RIN2: variants seen among roughly 807,000 people sequenced by gnomAD.
RIN2 encodes the protein Ras and Rab interactor 2, also known as RAB5 interacting protein 2.
A neutral mutation model predicts 78.0 loss-of-function variants in RIN2; 36 were observed. That is an observed-to-expected ratio of 0.46 (90% CI 0.35 to 0.61). The LOEUF is 0.61. Ranked by LOEUF, RIN2 falls within the 20% of genes least tolerant of loss-of-function variation. The probability of loss-of-function intolerance (pLI) is 0.00; values close to 1 mark genes in which losing one functional copy is unlikely to be tolerated. For synonymous variants in RIN2, 466 were observed against 466.8 expected (o/e 1.00, Z 0.02); for missense variants, 1,087 against 1,159.7 (o/e 0.94, Z 0.91).
intron 1 of RIN2, among the ~76,000 whole-genome samples, chr20:19,788,435 A>AAAAAAAAAAAAAAAAAAAAAC (rs2034763650): frequency 7.3e-6 from 1 of 137,808 alleles, no homozygotes; most frequent in Non-Finnish European, 1.5e-5. Context: ...TCTCTGCCAA[A>AAAAAAAAAAAAAAAAAAAAAC]AAAAAAAAAA....
chr20:19,918,353 T>TTGTGTG lies in RIN2; in HGVS notation c.58-16710_58-16705dup, dbSNP rs3059683. 1.4e-3 allele frequency among the ~76,000 whole-genome samples: 205 copies of TTGTGTG among 147,222 alleles called. 2 individuals are homozygous for TTGTGTG. The highest frequency in any genetic ancestry group is 0.01 in the Middle Eastern group (3 of 292). Reference sequence around the variant, plus strand: ...AAAACGTGACTCTCATACAAATACATTGTGTGTGTGTGTGTGTGTGTGTGT... The same window carrying TTGTGTG: ...AAAACGTGACTCTCATACAAATACATTGTGTGTGTGTGTGTGTGTGTGTGTGTGTGT... On this transcript the variant is annotated intron_variant, in intron 3 of 12. Coordinates refer to ENST00000255006, the MANE Select transcript of RIN2 (RefSeq NM_018993.4).
At chr20:19,830,750 C>G (rs1167095214) in intron 2 of RIN2, among the ~76,000 whole-genome samples, 1 of 152,202 alleles carries the variant, frequency 6.6e-6, no homozygotes, top group Admixed American at 6.5e-5. Context: ...GGAGTGCTGA[C>G]CATGGGGAGT....
chr20:19,886,500 G>T, intron 2 of RIN2: 1 of 547,132 alleles, frequency 1.8e-6, no homozygotes, highest in Non-Finnish European at 3.2e-6. Context: ...GCCGACCAAC[G>T]CGACCAGCTC....
At chr20:19,845,969 A>T (rs763623557) in intron 2 of RIN2, among the ~76,000 whole-genome samples, 1 of 152,124 alleles carries the variant, frequency 6.6e-6, no homozygotes, top group Admixed American at 6.5e-5. Context: ...TCCCAACATC[A>T]TTTATTAAAT....
At chr20:19,981,347 C>T (rs199595) in intron 9 of RIN2, among the ~76,000 whole-genome samples, 51,930 of 151,988 alleles carry the variant, frequency 0.34, 9,859 homozygotes, top group Non-Finnish European at 0.44. Flanking sequence ...GTTCTCCCAA[C>T]CCCCTGACCC....
intron 3 of RIN2, among the ~76,000 whole-genome samples, chr20:19,904,351 G>A (rs2039127357): frequency 6.6e-6 from 1 of 151,796 alleles, no homozygotes; most frequent in South Asian, 2.1e-4. Context: ...TATTCAGCCA[G>A]TATTGATTCC....
chr20:19,912,276 G>A (rs1240175697), intron 3 of RIN2, among the ~76,000 whole-genome samples: 2 of 151,982 alleles, frequency 1.3e-5, no homozygotes, highest in Non-Finnish European at 2.9e-5. Context: ...ACAAAGGAAG[G>A]AAGCCTGGGG....
At chr20:19,764,779 G>A (rs2033795097) in intron 1 of RIN2, among the ~76,000 whole-genome samples, 1 of 151,960 alleles carries the variant, frequency 6.6e-6, no homozygotes, top group Non-Finnish European at 1.5e-5. Context: ...GGTTTATAGA[G>A]TAGGAACAAA....
intron 2 of RIN2, among the ~76,000 whole-genome samples, chr20:19,851,491 G>A (rs2036980507): frequency 6.6e-6 from 1 of 152,152 alleles, no homozygotes; most frequent in East Asian, 1.9e-4. Context: ...AGGAGGCTGA[G>A]GCAGGAAGAT....
At chr20:19,855,466 C>T (rs2037134114) in intron 2 of RIN2, among the ~76,000 whole-genome samples, 1 of 152,144 alleles carries the variant, frequency 6.6e-6, no homozygotes, top group African/African-American at 2.4e-5. Context: ...GTGCCAGCTC[C>T]TCCTCATACC....
chr20:19,929,336 T>C (rs2040351948), intron 3 of RIN2, among the ~76,000 whole-genome samples: 1 of 150,692 alleles, frequency 6.6e-6, no homozygotes. Context: ...GTTTTTGTTT[T>C]TGGGTTTTGT....
intron 4 of RIN2, among the ~76,000 whole-genome samples, chr20:19,950,639 AT>A (rs1445645338): frequency 6.6e-6 from 1 of 151,986 alleles, no homozygotes; most frequent in African/African-American, 2.4e-5. Flanking sequence ...TTCAGTATGC[AT>A]GTCCTAAGAA....
At chr20:19,819,462 C>T (rs1015875839) in intron 2 of RIN2, among the ~76,000 whole-genome samples, 7 of 152,342 alleles carry the variant, frequency 4.6e-5, no homozygotes, top group Middle Eastern at 3.4e-3. Context: ...TATTCACAAA[C>T]ATTCAGTTCA....
At position 19,894,498 on chromosome 20, in the gene RIN2, T is replaced by A. The variant is rs535629782; in HGVS notation, c.57+4840T>A. Among the ~76,000 whole-genome samples, 4 of 152,334 alleles carry A rather than the reference T, an allele frequency of 2.6e-5. No individual in the cohort carries two copies. The East Asian group carries it at 5.8e-4, about 22-fold the overall frequency. On this transcript the variant is annotated intron_variant, in intron 3 of 12. Coordinates refer to ENST00000255006, the MANE Select transcript of RIN2 (RefSeq NM_018993.4). ...AACTCCTAGCTTGAAGCAATCCTCC[T>A]GCTTTGGCTTCCCAAATCCCTGGGA... is the stretch of plus-strand genomic sequence containing the variant.
chr20:19,835,075 G>A (rs200789246), intron 2 of RIN2, among the ~76,000 whole-genome samples: 7 of 148,730 alleles, frequency 4.7e-5, no homozygotes, highest in South Asian at 2.1e-4. Flanking sequence ...AAAAGAGAAA[G>A]AGAAAGAAAG....
At chr20:19,939,845 T>C (rs2040792765) in intron 4 of RIN2, among the ~76,000 whole-genome samples, 1 of 117,832 alleles carries the variant, frequency 8.5e-6, no homozygotes, top group Non-Finnish European at 1.6e-5. Context: ...TCCTGTCCAT[T>C]CTTTCTTTTT....
intron 4 of RIN2, among the ~76,000 whole-genome samples, chr20:19,938,556 C>A (rs556341349): frequency 5.3e-5 from 8 of 152,042 alleles, no homozygotes; most frequent in African/African-American, 9.7e-5. Flanking sequence ...CACACCTTTC[C>A]TTTTCTCTCT....
In RIN2 at chr20:19,844,669, C is replaced by CTTCTTCCTCTT. The variant is rs1232176696; in HGVS notation, c.-36-44897_-36-44896insTTCTTCCTCTT. Reference sequence around the variant, plus strand: ...TCTTCTTCTTCTTCTTCTTCTTCTTCCTTCTTCTTCTTCTTCCTCTTCCTC... The same window carrying CTTCTTCCTCTT: ...TCTTCTTCTTCTTCTTCTTCTTCTTCTTCTTCCTCTTCTTCTTCTTCTTCTTCCTCTTCCTC... On this transcript the variant is annotated intron_variant, in intron 2 of 12. Coordinates refer to ENST00000255006, the MANE Select transcript of RIN2 (RefSeq NM_018993.4). 5.6e-4 allele frequency among the ~76,000 whole-genome samples: 43 copies of CTTCTTCCTCTT among 76,164 alleles called. 2 individuals are homozygous for CTTCTTCCTCTT. The highest frequency in any genetic ancestry group is 2.7e-3 in the African/African-American group (43 of 16,028). 50.0% of individuals were successfully genotyped at this position (76,164 alleles called of 152,430 possible).
intron 3 of RIN2, among the ~76,000 whole-genome samples, chr20:19,932,251 C>G (rs2040469116): frequency 6.6e-6 from 1 of 152,194 alleles, no homozygotes; most frequent in South Asian, 2.1e-4. Context: ...CTCTCCCTGT[C>G]TCCACTCACT....
Sources: allele counts gnomAD v4.1 joint callset (sites outside exome capture counted in the v4.1 genomes callset), GRCh38; gene constraint gnomAD v4.1.1; transcripts MANE v1.5; gene names NCBI Gene and HGNC (gene_info 2026-07-23, HGNC 2026-07-21).